Variants in ADIPOR2 observed in about 807,000 individuals in gnomAD.
ADIPOR2 encodes the protein adiponectin receptor protein 2.
A neutral mutation model predicts 40.9 loss-of-function variants in ADIPOR2; 18 were observed. The observed-to-expected ratio is 0.44, with a 90% CI of 0.30 to 0.65. The LOEUF (loss-of-function observed/expected upper bound fraction) is 0.65. Ranked by LOEUF, ADIPOR2 falls within the 30% of genes least tolerant of loss-of-function variation. ADIPOR2 has a pLI of 0.09. For missense variants in ADIPOR2, 283 were observed against 479.2 expected, an observed-to-expected ratio of 0.59 and a Z score of 3.82; for synonymous variants, 165 against 166.4, an observed-to-expected ratio of 0.99 and a Z score of 0.06.
At chr12:1,732,900 T>C (rs1188575828) in intron 1 of ADIPOR2, among the ~76,000 whole-genome samples, 1 of 152,190 alleles carries the variant, frequency 6.6e-6, no homozygotes, top group Non-Finnish European at 1.5e-5. Context: ...ATAAATACTT[T>C]TGTGTGTGTA....
chr12:1,764,269 A>G (rs963287588), intron 2 of ADIPOR2, among the ~76,000 whole-genome samples: 2 of 152,148 alleles, frequency 1.3e-5, no homozygotes, highest in African/African-American at 2.4e-5. Flanking sequence ...AGTGAGGGTC[A>G]TAGTTTACTT....
intron 1 of ADIPOR2, among the ~76,000 whole-genome samples, chr12:1,737,167 TTTATG>T (rs1365719612): frequency 6.6e-6 from 1 of 152,252 alleles, no homozygotes; most frequent in Admixed American, 6.5e-5. Context: ...ACAGCATATA[TTTATG>T]TTAGGAATAT....
At chr12:1,725,125 CTTTTTT>C (rs33993408) in intron 1 of ADIPOR2, among the ~76,000 whole-genome samples, 1 of 143,824 alleles carries the variant, frequency 7.0e-6, no homozygotes, top group Non-Finnish European at 1.5e-5. Context: ...CGCAAACTTT[CTTTTTT>C]TTTTTTTTTG....
At chr12:1,742,595 A>G (rs1186760807) in intron 1 of ADIPOR2, among the ~76,000 whole-genome samples, 1 of 152,190 alleles carries the variant, frequency 6.6e-6, no homozygotes, top group Non-Finnish European at 1.5e-5. Flanking sequence ...AAATCTGTGG[A>G]TGCTCAAGTT....
At chr12:1,725,964 G>A (rs1423156132) in intron 1 of ADIPOR2, among the ~76,000 whole-genome samples, 3 of 152,014 alleles carry the variant, frequency 2.0e-5, no homozygotes, top group Non-Finnish European at 4.4e-5. Context: ...ATTCAGCAGT[G>A]AACAAAACAT....
Position 1,754,264 on chromosome 12 carries a change from C to A in ADIPOR2, c.-80C>A, listed in dbSNP as rs1862064628. ...AAAACTTTCATCTTCTTAGGATCAA[C>A]TCACTATCCTGAAGGTCCATTCTCC... On this transcript the variant is annotated 5_prime_UTR_variant, in exon 2 of 8. Coordinates refer to ENST00000357103, the MANE Select transcript of ADIPOR2 (RefSeq NM_024551.3). 1 of 1,356,090 alleles carries A rather than the reference C, an allele frequency of 7.4e-7. No homozygotes were observed. The highest frequency in any genetic ancestry group is 9.7e-7 in the Non-Finnish European group (1 of 1,027,652). 84.0% of individuals were successfully genotyped at this position (1,356,090 alleles called of 1,614,324 possible).
chr12:1,748,518 G>C (rs893726542), intron 1 of ADIPOR2, among the ~76,000 whole-genome samples: 1 of 152,078 alleles, frequency 6.6e-6, no homozygotes, highest in Admixed American at 6.5e-5. Context: ...AAAGTGCTGG[G>C]ATTACAGGCG....
chr12:1,764,151 A>G (rs1287945832), intron 2 of ADIPOR2, among the ~76,000 whole-genome samples: 2 of 152,126 alleles, frequency 1.3e-5, no homozygotes, highest in Non-Finnish European at 2.9e-5. Flanking sequence ...CCTTACATTA[A>G]AATGGAGATG....
intron 6 of ADIPOR2, among the ~76,000 whole-genome samples, chr12:1,783,460 C>T (rs59240557): frequency 0.073 from 10,460 of 143,646 alleles, 976 homozygotes; most frequent in African/African-American, 0.22. Flanking sequence ...GGTGCAATGG[C>T]GTGATCTCGG....
intron 1 of ADIPOR2, among the ~76,000 whole-genome samples, chr12:1,747,111 G>A (rs948467297): frequency 2.1e-5 from 3 of 139,744 alleles, no homozygotes; most frequent in Non-Finnish European, 4.5e-5. Context: ...CTTTAACACC[G>A]CTGTAAACCA....
At chr12:1,750,317 G>A (rs1264722148) in intron 1 of ADIPOR2, among the ~76,000 whole-genome samples, 1 of 151,792 alleles carries the variant, frequency 6.6e-6, no homozygotes, top group Admixed American at 6.6e-5. Flanking sequence ...CCAGCACTTT[G>A]GGAGGCCAAC....
At chr12:1,752,560 A>G (rs866651025) in intron 1 of ADIPOR2, among the ~76,000 whole-genome samples, 3 of 152,182 alleles carry the variant, frequency 2.0e-5, no homozygotes, top group Admixed American at 6.5e-5. Flanking sequence ...TTTGTTGCAC[A>G]GTGGAAAGCA....
chr12:1,699,135 T>A (rs2094645155), intron 1 of ADIPOR2, among the ~76,000 whole-genome samples: 2 of 152,148 alleles, frequency 1.3e-5, no homozygotes, highest in African/African-American at 4.8e-5. Flanking sequence ...ATATATTTCT[T>A]GAGGGTAAGG....
intron 1 of ADIPOR2, among the ~76,000 whole-genome samples, chr12:1,692,636 G>T (rs1165048316): frequency 1.3e-5 from 2 of 151,860 alleles, no homozygotes; most frequent in Non-Finnish European, 2.9e-5. Context: ...GAGCCTAAAA[G>T]AGAGTTTGTT....
intron 1 of ADIPOR2, among the ~76,000 whole-genome samples, chr12:1,703,678 C>T (rs2094655306): frequency 6.6e-6 from 1 of 151,932 alleles, no homozygotes; most frequent in African/African-American, 2.4e-5. Context: ...GATTGAGCCA[C>T]TGCACTCCAG....
chr12:1,737,567 T>C (rs1422872346), intron 1 of ADIPOR2, among the ~76,000 whole-genome samples: 1 of 152,204 alleles, frequency 6.6e-6, no homozygotes, highest in Non-Finnish European at 1.5e-5. Flanking sequence ...CTTCCTGTAG[T>C]TGTCACACAG....
chr12:1,739,671 C>T (rs977322011), intron 1 of ADIPOR2, among the ~76,000 whole-genome samples: 1 of 152,094 alleles, frequency 6.6e-6, no homozygotes, highest in African/African-American at 2.4e-5. Flanking sequence ...TTGTGGCCCA[C>T]GAAACCTAAA....
intron 6 of ADIPOR2, among the ~76,000 whole-genome samples, chr12:1,783,431 C>T (rs1429190347): frequency 6.9e-6 from 1 of 144,248 alleles, no homozygotes; most frequent in Non-Finnish European, 1.5e-5. Flanking sequence ...CGGAGTTTCA[C>T]TCCTGTTGCC....
At chr12:1,768,130 A>G (rs956124194) in intron 2 of ADIPOR2, among the ~76,000 whole-genome samples, 2 of 152,320 alleles carry the variant, frequency 1.3e-5, no homozygotes, top group East Asian at 3.9e-4. Flanking sequence ...ATTTTAATCA[A>G]AGGTTTACTG....
Sources: allele counts gnomAD v4.1 joint callset (sites outside exome capture counted in the v4.1 genomes callset), GRCh38; gene constraint gnomAD v4.1.1; transcripts MANE v1.5; gene names NCBI Gene and HGNC (gene_info 2026-07-23, HGNC 2026-07-21).